The following KCNT1 variants were observed in gnomAD, a reference collection of about 807,000 sequenced individuals.
KCNT1 encodes the protein potassium sodium-activated channel subfamily T member 1.
KCNT1 carries 78 observed loss-of-function variants against 147.8 expected under a neutral mutation model. The ratio of observed to expected loss-of-function variants is 0.53; its 90% CI spans 0.44 to 0.64. The LOEUF is 0.64. Among genes scored for constraint, KCNT1 ranks in the 30% least tolerant of loss-of-function variants. The pLI is 0.00. For missense variants in KCNT1, 1,419 were observed against 1,750.3 expected (o/e 0.81, Z 3.38); for synonymous variants, 867 against 748.8 (o/e 1.16, Z -2.58).
At chr9:135,704,318 C>T (rs1835161861) in intron 1 of KCNT1, among the ~76,000 whole-genome samples, 1 of 152,176 alleles carries the variant, frequency 6.6e-6, no homozygotes, top group Non-Finnish European at 1.5e-5. Flanking sequence ...GGTGCTTGGA[C>T]ACCCCACCCC....
intron 3 of KCNT1, chr9:135,750,449 C>T (rs1347956110): frequency 5.6e-6 from 3 of 535,636 alleles, no homozygotes; most frequent in South Asian, 2.0e-5. Context: ...TGCTGGACAC[C>T]AGGCTGGGTG....
chr9:135,741,982 T>C (rs1027224926), intron 2 of KCNT1, among the ~76,000 whole-genome samples: 2 of 148,068 alleles, frequency 1.4e-5, no homozygotes, highest in African/African-American at 4.9e-5. Context: ...CATCAGCCTC[T>C]CTCTCCGAGT....
rs147135656 is a variant in KCNT1, at chr9:135,720,929, CAG to C, written c.254+6212_254+6213del. Among the ~76,000 whole-genome samples the C allele has an allele frequency of 6.7e-3, 1,014 of 152,302 alleles. 9 individuals carry two copies. Among genetic ancestry groups the C allele is most frequent in the African/African-American group, 0.022 (915 of 41,578 alleles). On this transcript the variant is annotated intron_variant, in intron 2 of 30. Transcript: ENST00000371757. ...CTCAGGTGTAGCTGGAGCTTTGAAA[CAG>C]AGGGGGACAGTCAGGAGGAAGGGTG...
At chr9:135,758,697 C>T (rs1027418056) in intron 10 of KCNT1, among the ~76,000 whole-genome samples, 189 bp downstream of exon 10, 4 of 152,214 alleles carry the variant, frequency 2.6e-5, no homozygotes, top group African/African-American at 9.6e-5. Flanking sequence ...AGCCCACGTC[C>T]CCAGTACACG....
chr9:135,748,503 C>T (rs1280169970), intron 2 of KCNT1, among the ~76,000 whole-genome samples: 1 of 152,376 alleles, frequency 6.6e-6, no homozygotes, highest in Admixed American at 6.5e-5. Context: ...GAGCCAGTGC[C>T]TGCTCAGAGG....
intron 10 of KCNT1, 131 bp from the exon 11 acceptor site, chr9:135,759,548 C>T (rs895669391): frequency 1.6e-5 from 15 of 943,218 alleles, no homozygotes; most frequent in South Asian, 8.9e-5. Flanking sequence ...GTCAGGAGGG[C>T]GGGGCTCGCC....
intron 1 of KCNT1, among the ~76,000 whole-genome samples, chr9:135,713,957 C>A (rs1316119903): frequency 6.6e-6 from 1 of 152,132 alleles, no homozygotes. Context: ...CAGCTCAGGG[C>A]CCAGAGGGCC....
At position 135,757,352 on chromosome 9, in the gene KCNT1, C is replaced by T. The variant is rs376096546; in HGVS notation, c.730C>T (p.Leu244=). 3.7e-6 allele frequency: 6 copies of T among 1,610,606 alleles called. No individual in the cohort carries two copies. Among genetic ancestry groups the T allele is most frequent in the Non-Finnish European group, 5.1e-6 (6 of 1,179,980 alleles). ...LFIPVFLNCW[L]AKHALENMIN... ...CATCCCCGTCTTTCTGAACTGCTGGCTGGCCAAGCACGCGCTGGAAAACAT... is the reference window on the plus strand; with the variant it reads ...CATCCCCGTCTTTCTGAACTGCTGGTTGGCCAAGCACGCGCTGGAAAACAT... Residue 244 remains leucine, a synonymous_variant, in exon 9 of 31, where the codon CTG becomes TTG. Transcript: ENST00000371757.
chr9:135,719,444 T>A (rs939634981), intron 2 of KCNT1, among the ~76,000 whole-genome samples: 2 of 152,042 alleles, frequency 1.3e-5, no homozygotes, highest in Non-Finnish European at 2.9e-5. Context: ...TGTCGGGGGA[T>A]GCATGCTTTG....
At chr9:135,750,469 C>A in intron 3 of KCNT1, 1 of 514,634 alleles carries the variant, frequency 1.9e-6, no homozygotes, top group Non-Finnish European at 3.5e-6. Flanking sequence ...GGGGCAGGAC[C>A]ATCCATAGGT....
In KCNT1 at chr9:135,772,756, A is replaced by C. The variant is rs756570347; in HGVS notation, c.2050A>C (p.Thr684Pro). The C allele has an allele frequency of 3.4e-6, 5 of 1,470,766 alleles. No individual in the cohort carries two copies. In the African/African-American group the frequency reaches 5.7e-5, roughly 17 times the overall value. 91.1% of individuals were successfully genotyped at this position (1,470,766 alleles called of 1,614,324 possible). A position where few individuals can be genotyped will look rare whatever the true frequency, so the allele number is the denominator to read the frequency against. ...CCTGCAGGGCACAGAGCACCGGCCT[A>C]CGCAGAGCGGCGGTGGGGGCGGGGG... Reference protein sequence around the residue: ...MDLQGTEHRPTQSGGGGGGSK... With the variant: ...MDLQGTEHRPPQSGGGGGGSK... Residue 684 changes from threonine to proline, a missense_variant, in exon 19 of 31, where the codon ACG (threonine) becomes CCG (proline). Thr to Pro is a conservative substitution (Grantham distance 38, BLOSUM62 -1). This residue lies in a region of KCNT1 where 284 missense variants were observed against 292.8 expected (regional missense o/e 0.97). Transcript: ENST00000371757.
At chr9:135,702,837 C>T (rs1835088154) in intron 1 of KCNT1, among the ~76,000 whole-genome samples, 1 of 152,036 alleles carries the variant, frequency 6.6e-6, no homozygotes, top group Non-Finnish European at 1.5e-5. Flanking sequence ...CCAGAGCAAC[C>T]TTCCAAGGAA....
rs183348093 is a variant in KCNT1 at position 135,770,073 on chromosome 9, C to T, written c.1619+18C>T. On this transcript the variant is annotated intron_variant, in intron 16 of 30. Transcript: ENST00000371757. ...CGCGGCCAGTGAGTGCCCCGTGCCC[C>T]GGGGGACCGACCTCCATGGCGGGGC... The T allele has an allele frequency of 1.4e-4, 211 of 1,540,870 alleles. 1 individual carries two copies. In the African/African-American group the frequency reaches 2.2e-3, roughly 16 times the overall value.
chr9:135,779,631 G>T (rs891938332), intron 24 of KCNT1, among the ~76,000 whole-genome samples, 161 bp downstream of exon 24: 2 of 152,236 alleles, frequency 1.3e-5, no homozygotes, highest in African/African-American at 4.8e-5. Flanking sequence ...GCATGGACAG[G>T]GTGCTCTTGA....
intron 13 of KCNT1, among the ~76,000 whole-genome samples, chr9:135,768,252 G>A (rs1200703799): frequency 2.6e-5 from 1 of 38,344 alleles, no homozygotes; most frequent in Non-Finnish European, 8.1e-5. Context: ...GGGGGGGGGG[G>A]GGGGGCACTG....
Position 135,778,432 on chromosome 9 carries a change from A to G in KCNT1, c.2531A>G (p.His844Arg), listed in dbSNP as rs1833337197. 3 of 1,551,242 alleles carry G rather than the reference A, an allele frequency of 1.9e-6. No individual in the cohort carries two copies. The East Asian group carries it at 7.3e-5, about 38-fold the overall frequency. Residue 844 changes from histidine to arginine, a missense_variant, in exon 22 of 31, where the codon CAC (histidine) becomes CGC (arginine). Transcript: ENST00000371757. ...GACCGCTGTCCCCACAGGCCCGACCACCACTTCCTGGAAGCCATCTGCTGC... is the reference window on the plus strand; with the variant it reads ...GACCGCTGTCCCCACAGGCCCGACCGCCACTTCCTGGAAGCCATCTGCTGC... ...IVLLLDNKPD[H>R]HFLEAICCFP...
chr9:135,792,077 C>A lies in KCNT1; in HGVS notation c.3624C>A (p.Ala1208=). 1 of 1,604,290 alleles carries A rather than the reference C, an allele frequency of 6.2e-7. No individual in the cohort carries two copies. The highest frequency in any genetic ancestry group is 1.1e-5 in the South Asian group (1 of 90,988). The part of the protein sequence containing the change: ...LIRSDPLAHV[A]SSSQSRKSSC... ...GCTCCGACCCCCTGGCTCACGTGGC[C>A]AGCAGCTCCCAGAGCCGGAAGAGCA... Residue 1208 remains alanine (A), a synonymous_variant, in exon 31 of 31, where the codon GCC becomes GCA. Coordinates refer to ENST00000371757, the MANE Select transcript of KCNT1 (RefSeq NM_020822.3).
In KCNT1 at chr9:135,784,532, C is replaced by T. The variant is rs1554779944; in HGVS notation, c.2944-3C>T. On this transcript the variant is annotated splice_polypyrimidine_tract_variant and splice_region_variant and intron_variant, in intron 25 of 30. Coordinates refer to ENST00000371757, the MANE Select transcript of KCNT1 (RefSeq NM_020822.3). The stretch of plus-strand genomic sequence containing the variant: ...CTCCCTCCCTCCCTCCCTCCCTGGC[C>T]AGTCCTTCGTGAAGGACTACATGAT... The T allele has an allele frequency of 8.6e-7, 1 of 1,164,748 alleles. No homozygotes were observed. The allele number at this position is 1,164,748 out of a possible 1,614,324, so 72.2% of individuals were successfully genotyped here.
Position 135,757,338 on chromosome 9 carries a change from T to G in KCNT1, c.716T>G (p.Phe239Cys). Residue 239 changes from phenylalanine (F) to cysteine (C), a missense_variant, in exon 9 of 31, where the codon TTT (phenylalanine) becomes TGT (cysteine). Physicochemically the swap from Phe to Cys is radical, Grantham distance 205. Transcript: ENST00000371757. ...CTGCGGAACCTGTTCATCCCCGTCT[T>G]TCTGAACTGCTGGCTGGCCAAGCAC... ...PPLRNLFIPV[F>C]LNCWLAKHAL... 1 of 1,611,568 alleles carries G rather than the reference T, an allele frequency of 6.2e-7. No individual in the cohort carries two copies. The highest frequency in any genetic ancestry group is 2.2e-5 in the East Asian group (1 of 44,826).
Sources: gnomAD v4.1 joint callset for allele counts (sites outside exome capture counted in the v4.1 genomes callset) on GRCh38, gnomAD v4.1.1 for gene constraint, gnomAD v4.1.1 regional missense constraint, MANE v1.5 for transcripts, NCBI Gene and HGNC (gene_info 2026-07-23, HGNC 2026-07-21) for gene names.